Variants in FBXO17 observed in about 807,000 individuals in gnomAD.
FBXO17 encodes the protein F-box only protein 17.
A neutral mutation model predicts 34.1 loss-of-function variants in FBXO17; 43 were observed. The observed-to-expected ratio is 1.26, with a 90% CI of 0.99 to 1.62. FBXO17 has a LOEUF of 1.62. FBXO17 is among the 40% of genes most tolerant of loss of function. The pLI is 0.00. For synonymous variants in FBXO17, 169 were observed against 166.0 expected (o/e 1.02, Z -0.14); for missense variants, 424 against 386.7 (o/e 1.10, Z -0.81).
chr19:38,968,074 A>C (rs1157314160), intron 1 of FBXO17, among the ~76,000 whole-genome samples: 1 of 152,022 alleles, frequency 6.6e-6, no homozygotes, highest in East Asian at 1.9e-4. Context: ...GGTGGCTCAT[A>C]CCTGTAATCC....
At chr19:38,946,676 C>A in intron 3 of FBXO17, 109 bp from the exon 4 acceptor site, 1 of 1,484,896 alleles carries the variant, frequency 6.7e-7, no homozygotes, top group Non-Finnish European at 9.1e-7. Context: ...TCTAAAGCAG[C>A]CCTCAGGGTT....
At chr19:38,964,991 A>G (rs1308489391) in intron 1 of FBXO17, among the ~76,000 whole-genome samples, 2 of 152,164 alleles carry the variant, frequency 1.3e-5, no homozygotes, top group Non-Finnish European at 2.9e-5. Context: ...GACTGTATTT[A>G]TAACAGCCCC....
Position 38,949,967 on chromosome 19 carries a change from C to G in FBXO17, c.349+4G>C. 1.3e-6 allele frequency: 2 copies of G among 1,533,352 alleles called. No individual in the cohort carries two copies. Among genetic ancestry groups the G allele is most frequent in the Non-Finnish European group, 1.8e-6 (2 of 1,141,846 alleles). 95.0% of individuals were successfully genotyped at this position (1,533,352 alleles called of 1,614,324 possible). Reference sequence around the variant, plus strand: ...GCCTCCTGGGCCCCGCCCCCGTCACCCACGCTCTCCGCAGGAGTTGAAGAT... The same window carrying G: ...GCCTCCTGGGCCCCGCCCCCGTCACGCACGCTCTCCGCAGGAGTTGAAGAT... On this transcript the variant is annotated splice_donor_region_variant and intron_variant, in intron 2 of 5. Transcript: ENST00000292852.
intron 1 of FBXO17, among the ~76,000 whole-genome samples, chr19:38,959,070 G>A (rs989503182): frequency 6.7e-6 from 1 of 150,084 alleles, no homozygotes. Flanking sequence ...GCCCAGCTTC[G>A]TTTGTTTTAT....
intron 1 of FBXO17, among the ~76,000 whole-genome samples, chr19:38,967,907 C>T (rs529397312): frequency 1.3e-5 from 2 of 152,090 alleles, no homozygotes; most frequent in African/African-American, 2.4e-5. Context: ...CCACTTCATA[C>T]CCACTACCCT....
intron 4 of FBXO17, chr19:38,945,408 G>A (rs1302560466): frequency 4.8e-5 from 18 of 377,574 alleles, no homozygotes; most frequent in Non-Finnish European, 8.5e-5. Flanking sequence ...GGTGGAGCCA[G>A]AGCCTGGGGG....
At chr19:38,955,480 CTTTCTTTTTTTT>C (rs1405716807) in intron 1 of FBXO17, among the ~76,000 whole-genome samples, 1 of 144,482 alleles carries the variant, frequency 6.9e-6, no homozygotes, top group Non-Finnish European at 1.5e-5. Context: ...CATTTTCTTT[CTTTCTTTTTTTT>C]TTTTTTTTTG....
chr19:38,948,512 C>T, intron 3 of FBXO17, 55 bp downstream of exon 3: 2 of 1,413,360 alleles, frequency 1.4e-6, no homozygotes, highest in South Asian at 1.2e-5. Context: ...GGGTAGGGTC[C>T]CTTTCTTTGG....
chr19:38,969,588 CTTTTT>C (rs67681512), intron 1 of FBXO17, among the ~76,000 whole-genome samples: 1 of 103,494 alleles, frequency 9.7e-6, no homozygotes, highest in Non-Finnish European at 1.9e-5. Flanking sequence ...AACCACTGGG[CTTTTT>C]TTTTTTTTTT....
chr19:38,959,846 T>C (rs952041378), intron 1 of FBXO17, among the ~76,000 whole-genome samples: 10 of 152,034 alleles, frequency 6.6e-5, no homozygotes, highest in African/African-American at 2.4e-4. Context: ...CAGTGAGCTA[T>C]GATTGCACTA....
At chr19:38,962,036 A>G (rs1304533632) in intron 1 of FBXO17, among the ~76,000 whole-genome samples, 3 of 150,354 alleles carry the variant, frequency 2.0e-5, no homozygotes, top group Non-Finnish European at 2.9e-5. Context: ...AGTGTCGGCT[A>G]TCAACCTACG....
chr19:38,953,977 G>A (rs1011240608), intron 1 of FBXO17, among the ~76,000 whole-genome samples: 2 of 152,006 alleles, frequency 1.3e-5, no homozygotes, highest in African/African-American at 2.4e-5. Flanking sequence ...AGGGGGGGAG[G>A]AGGTGTTGGA....
At chr19:38,964,796 C>A (rs1460732475) in intron 1 of FBXO17, among the ~76,000 whole-genome samples, 1 of 151,900 alleles carries the variant, frequency 6.6e-6, no homozygotes, top group African/African-American at 2.4e-5. Context: ...AAAAAAATTG[C>A]ATGCAGCCCC....
intron 1 of FBXO17, among the ~76,000 whole-genome samples, chr19:38,972,135 G>A (rs1204791744): frequency 6.6e-6 from 1 of 152,172 alleles, no homozygotes; most frequent in East Asian, 1.9e-4. Flanking sequence ...CAAGATTCTT[G>A]AATGGGGCAG....
At chr19:38,954,784 T>G (rs1406508497) in intron 1 of FBXO17, among the ~76,000 whole-genome samples, 1 of 151,110 alleles carries the variant, frequency 6.6e-6, no homozygotes, top group Non-Finnish European at 1.5e-5. Context: ...TTCACCATGT[T>G]GGCCAGGCTG....
At chr19:38,967,568 A>G (rs894122751) in intron 1 of FBXO17, among the ~76,000 whole-genome samples, 3 of 148,282 alleles carry the variant, frequency 2.0e-5, no homozygotes, top group Admixed American at 6.7e-5. Context: ...GGAAAATGCA[A>G]TTTTTTTTTT....
chr19:38,965,677 T>C (rs923917217), intron 1 of FBXO17, among the ~76,000 whole-genome samples: 18 of 152,260 alleles, frequency 1.2e-4, no homozygotes, highest in African/African-American at 4.3e-4. Flanking sequence ...AGGCTAATTT[T>C]TGTATTTTTA....
intron 1 of FBXO17, among the ~76,000 whole-genome samples, chr19:38,954,281 C>T (rs1041199112): frequency 6.6e-6 from 1 of 151,978 alleles, no homozygotes; most frequent in South Asian, 2.1e-4. Flanking sequence ...TATTTATTTA[C>T]TTTTTTGAGA....
chr19:38,958,101 G>C lies in FBXO17; in HGVS notation c.-17-7765C>G, dbSNP rs149396524. Among the ~76,000 whole-genome samples the C allele has an allele frequency of 5.4e-3, 733 of 135,428 alleles. 6 individuals are homozygous for C. The highest frequency in any genetic ancestry group is 0.019 in the African/African-American group (655 of 35,132). The allele number at this position is 135,428 out of a possible 152,430, so 88.8% of individuals were successfully genotyped here. A position where few individuals can be genotyped will look rare whatever the true frequency, so the allele number is the denominator to read the frequency against. On this transcript the variant is annotated intron_variant, in intron 1 of 5. Coordinates refer to ENST00000292852, the MANE Select transcript of FBXO17 (RefSeq NM_024907.7). Reference sequence around the variant, plus strand: ...AGCCCAGGCAATAGAGTGAGATCCTGCCTCAAAAAAAAAAAAAAAAAAGTT... The same window carrying C: ...AGCCCAGGCAATAGAGTGAGATCCTCCCTCAAAAAAAAAAAAAAAAAAGTT...
Sources: allele counts gnomAD v4.1 joint callset (sites outside exome capture counted in the v4.1 genomes callset), GRCh38; gene constraint gnomAD v4.1.1; transcripts MANE v1.5; gene names NCBI Gene and HGNC (gene_info 2026-07-23, HGNC 2026-07-21).